Variants in MCPH1 observed in about 807,000 individuals in gnomAD.
MCPH1 encodes the protein microcephalin.
In MCPH1, 104 loss-of-function variants were observed where a neutral mutation model predicts 84.5. The ratio of observed to expected loss-of-function variants is 1.23; its 90% CI spans 1.05 to 1.45. MCPH1 has a LOEUF of 1.45. MCPH1 is among the 40% of genes most tolerant of loss of function. The probability of loss-of-function intolerance (pLI) is 0.00; values close to 1 mark genes in which losing one functional copy is unlikely to be tolerated. For missense variants in MCPH1, 1,498 were observed against 1,005.7 expected (o/e 1.49, Z -6.62); for synonymous variants, 514 against 366.8 (o/e 1.40, Z -4.58).
intron 12 of MCPH1, among the ~76,000 whole-genome samples, chr8:6,556,184 G>T (rs1824578073): frequency 6.6e-6 from 1 of 151,890 alleles, no homozygotes; most frequent in African/African-American, 2.4e-5. Flanking sequence ...TTGTTAAAGA[G>T]GTAATTTAAA....
chr8:6,476,621 C>G (rs892254635), intron 9 of MCPH1, among the ~76,000 whole-genome samples: 1 of 152,120 alleles, frequency 6.6e-6, no homozygotes, highest in Non-Finnish European at 1.5e-5. Flanking sequence ...CCAACAGAGA[C>G]AAGATCTCTA....
intron 12 of MCPH1, among the ~76,000 whole-genome samples, chr8:6,610,718 A>C (rs1830181540): frequency 6.6e-6 from 1 of 152,154 alleles, no homozygotes; most frequent in Non-Finnish European, 1.5e-5. Flanking sequence ...TGTTATCTTT[A>C]CTTTCCCAGA....
intron 8 of MCPH1, among the ~76,000 whole-genome samples, chr8:6,454,209 G>T (rs1449673349): frequency 6.6e-6 from 1 of 152,082 alleles, no homozygotes; most frequent in Non-Finnish European, 1.5e-5. Flanking sequence ...TTGTCTATTG[G>T]GTTGTGAGCT....
At position 6,455,178 on chromosome 8, in the gene MCPH1, G is replaced by A. The variant is rs376110995; in HGVS notation, c.1861G>A (p.Asp621Asn). 3 of 1,613,944 alleles carry A rather than the reference G, an allele frequency of 1.9e-6. No individual in the cohort carries two copies. The highest frequency in any genetic ancestry group is 2.2e-5 in the East Asian group (1 of 44,850). The change falls in exon 9 of 14, where the codon GAT becomes AAT. Residue 621 changes from aspartate to asparagine, a missense_variant. By Grantham distance (23) the Asp-to-Asn change is conservative. Coordinates refer to ENST00000344683, the MANE Select transcript of MCPH1 (RefSeq NM_024596.5). Reference protein sequence around the residue: ...KNRPTRHDVLDDSCDGFKDLI... With the variant: ...KNRPTRHDVLNDSCDGFKDLI... ...TAGACCAACAAGGCATGATGTTTTAGATGACTCATGTGACGGCTTTAAGGA... is the reference window on the plus strand; with the variant it reads ...TAGACCAACAAGGCATGATGTTTTAAATGACTCATGTGACGGCTTTAAGGA...
chr8:6,427,777 G>A (rs1477102746), intron 3 of MCPH1, among the ~76,000 whole-genome samples: 6 of 136,136 alleles, frequency 4.4e-5, no homozygotes, highest in African/African-American at 1.3e-4. Context: ...CGAGTACTTC[G>A]TAAGTAGTTA....
intron 12 of MCPH1, among the ~76,000 whole-genome samples, chr8:6,557,497 G>A (rs1824827910): frequency 2.0e-5 from 3 of 152,052 alleles, no homozygotes; most frequent in African/African-American, 7.2e-5. Context: ...TAATTTAGGA[G>A]AAAATTCTCA....
chr8:6,513,218 T>G (rs1815530260), intron 12 of MCPH1, among the ~76,000 whole-genome samples: 1 of 152,238 alleles, frequency 6.6e-6, no homozygotes, highest in South Asian at 2.1e-4. Flanking sequence ...GTTAGAATTT[T>G]AAACCCAGAG....
rs866221889 is a variant in MCPH1, at chr8:6,621,684, G to T, written c.2445G>T (p.Trp815Cys). The T allele has an allele frequency of 4.3e-6, 7 of 1,614,150 alleles. No individual in the cohort carries two copies. Among genetic ancestry groups the T allele is most frequent in the Non-Finnish European group, 5.1e-6 (6 of 1,180,040 alleles). ...CAGTCAAGTATCTGTCTGAGAAATG[G>T]GTCTTAGGTAAGAATCCAGGCACAC... ...KATVKYLSEK[W>C]VLDSITQHKV... The change falls in exon 13 of 14, where the codon TGG becomes TGT. Residue 815 changes from tryptophan to cysteine, a missense_variant. By Grantham distance (215) the Trp-to-Cys change is radical. Coordinates refer to ENST00000344683, the MANE Select transcript of MCPH1 (RefSeq NM_024596.5).
chr8:6,457,116 T>C (rs541593893), intron 9 of MCPH1, among the ~76,000 whole-genome samples: 7 of 152,234 alleles, frequency 4.6e-5, no homozygotes, highest in Non-Finnish European at 8.8e-5. Flanking sequence ...CTTCAACTGC[T>C]GTGCTCAGGA....
At chr8:6,521,238 G>A (rs750035675) in intron 12 of MCPH1, 1 of 1,613,918 alleles carries the variant, frequency 6.2e-7, no homozygotes, top group Non-Finnish European at 8.5e-7. Flanking sequence ...TCATGTTGCT[G>A]CTTCTGAAGA....
intron 11 of MCPH1, among the ~76,000 whole-genome samples, chr8:6,491,791 A>G (rs1299789519): frequency 6.6e-6 from 1 of 151,826 alleles, no homozygotes; most frequent in Admixed American, 6.6e-5. Context: ...CCATGTCCCT[A>G]CAAAGGACAT....
At chr8:6,497,235 C>T (rs568861359) in intron 11 of MCPH1, among the ~76,000 whole-genome samples, 38 of 151,638 alleles carry the variant, frequency 2.5e-4, no homozygotes, top group Non-Finnish European at 4.7e-4. Context: ...AATCCCAACA[C>T]GTTGAGAGGC....
In MCPH1 at chr8:6,461,890, G is replaced by C. The variant is rs147925060; in HGVS notation, c.1935+6638G>C. Among the ~76,000 whole-genome samples, 406 of 152,166 alleles carry C rather than the reference G, an allele frequency of 2.7e-3. 1 individual carries two copies. The highest frequency in any genetic ancestry group is 9.1e-3 in the African/African-American group (378 of 41,546). On this transcript the variant is annotated intron_variant, in intron 9 of 13. Transcript: ENST00000344683. ...ACGAATGTAATTTTTTTTTCTCCAA[G>C]TATTTGGTTTATTCTACTACTTCTG...
intron 3 of MCPH1, among the ~76,000 whole-genome samples, chr8:6,417,009 C>T (rs1799402709): frequency 6.6e-6 from 1 of 151,640 alleles, no homozygotes; most frequent in African/African-American, 2.4e-5. Flanking sequence ...AGTAAGGGGT[C>T]CTTCTCTGGC....
At chr8:6,435,552 A>G (rs1049080749) in intron 4 of MCPH1, among the ~76,000 whole-genome samples, 19 of 152,166 alleles carry the variant, frequency 1.2e-4, no homozygotes, top group Admixed American at 1.0e-3. Flanking sequence ...GGATTATGCC[A>G]TCAGGTGTTT....
At chr8:6,526,428 C>G (rs997274104) in intron 12 of MCPH1, among the ~76,000 whole-genome samples, 1 of 151,236 alleles carries the variant, frequency 6.6e-6, no homozygotes, top group Non-Finnish European at 1.5e-5. Context: ...GAGTGAGACC[C>G]TGTCTCAAAA....
intron 13 of MCPH1, among the ~76,000 whole-genome samples, chr8:6,623,688 CAAAAAAAAAAAAAAAAAAAA>C (rs377522481): frequency 2.2e-5 from 2 of 92,420 alleles, no homozygotes; most frequent in East Asian, 3.9e-4. Flanking sequence ...AACCAACTTC[CAAAAAAAAAAAAAAAAAAAA>C]AAAAAAAAAA....
intron 12 of MCPH1, among the ~76,000 whole-genome samples, chr8:6,608,048 G>A (rs1002240575): frequency 6.6e-6 from 1 of 152,198 alleles, no homozygotes; most frequent in South Asian, 2.1e-4. Context: ...CAGGGGCTGA[G>A]GGGAGTGCTC....
At chr8:6,536,417 G>A (rs1820514946) in intron 12 of MCPH1, among the ~76,000 whole-genome samples, 1 of 150,396 alleles carries the variant, frequency 6.6e-6, no homozygotes, top group Admixed American at 6.6e-5. Context: ...GAGCCAAAGT[G>A]ATATATCTCA....
Sources: gnomAD v4.1 joint callset for allele counts (sites outside exome capture counted in the v4.1 genomes callset) on GRCh38, gnomAD v4.1.1 for gene constraint, MANE v1.5 for transcripts, NCBI Gene and HGNC (gene_info 2026-07-23, HGNC 2026-07-21) for gene names.